The following ADAM12 variants were observed in gnomAD, a reference collection of about 807,000 sequenced individuals.
The protein encoded by ADAM12 is ADAM metallopeptidase domain 12.
In ADAM12, 70 loss-of-function variants were observed where a neutral mutation model predicts 106.4. That is an observed-to-expected ratio of 0.66 (90% CI 0.54 to 0.80). ADAM12 has a LOEUF of 0.80. ADAM12 is among the 30% of genes least tolerant of loss of function. The probability of loss-of-function intolerance (pLI) is 0.00; values close to 1 mark genes in which losing one functional copy is unlikely to be tolerated. For missense variants in ADAM12, 1,010 were observed against 1,171.9 expected (o/e 0.86, Z 2.02); for synonymous variants, 420 against 433.5 (o/e 0.97, Z 0.39).
At chr10:126,197,696 G>T (rs751624678) in intron 3 of ADAM12, among the ~76,000 whole-genome samples, 5 of 152,210 alleles carry the variant, frequency 3.3e-5, no homozygotes, top group Non-Finnish European at 5.9e-5. Flanking sequence ...AGCCTGCCTG[G>T]CTGCATTTGG....
chr10:126,244,950 CAT>C (rs1958600321), intron 3 of ADAM12, among the ~76,000 whole-genome samples: 1 of 152,184 alleles, frequency 6.6e-6, no homozygotes, highest in South Asian at 2.1e-4. Flanking sequence ...GAAGCCAAGA[CAT>C]AGAGATGTCA....
chr10:126,258,372 A>G (rs1030460932), intron 3 of ADAM12, among the ~76,000 whole-genome samples: 3 of 151,760 alleles, frequency 2.0e-5, no homozygotes, highest in South Asian at 2.1e-4. Flanking sequence ...CACCTCACTC[A>G]TCCCCACTGC....
At chr10:126,175,000 T>C (rs10901551) in intron 3 of ADAM12, among the ~76,000 whole-genome samples, 69,614 of 151,520 alleles carry the variant, frequency 0.46, 16,481 homozygotes, top group African/African-American at 0.58. Context: ...TCGTGATCCG[T>C]CCACCTCGGC....
At chr10:126,096,137 G>A (rs895239822) in intron 10 of ADAM12, among the ~76,000 whole-genome samples, 4 of 152,124 alleles carry the variant, frequency 2.6e-5, no homozygotes, top group Non-Finnish European at 4.4e-5. Flanking sequence ...TCAGGAAATC[G>A]GTTCTCGAAA....
At position 126,038,948 on chromosome 10, in the gene ADAM12, A is replaced by G. The variant is rs1238461485; in HGVS notation, c.2240+346T>C. Among the ~76,000 whole-genome samples the G allele has an allele frequency of 4.0e-5, 4 of 100,580 alleles. No homozygotes were observed. In the Admixed American group the frequency reaches 4.0e-4, roughly 10 times the overall value. The allele number at this position is 100,580 out of a possible 152,430, so 66.0% of individuals were successfully genotyped here. The stretch of plus-strand genomic sequence containing the variant: ...TTTGCTGTACATTTTCTGAGACACC[A>G]TTTCTTTTTTTTTTTTTTTTTTTTT... On this transcript the variant is annotated intron_variant, in intron 19 of 22. Coordinates refer to ENST00000448723, the MANE Select transcript of ADAM12 (RefSeq NM_001288973.2).
intron 2 of ADAM12, among the ~76,000 whole-genome samples, chr10:126,279,860 A>C (rs1215946379): frequency 6.6e-6 from 1 of 152,226 alleles, no homozygotes; most frequent in Non-Finnish European, 1.5e-5. Flanking sequence ...GTGGAGACTC[A>C]GTCTTGCTGA....
chr10:126,214,941 C>T (rs1201554898), intron 3 of ADAM12, among the ~76,000 whole-genome samples: 2 of 152,214 alleles, frequency 1.3e-5, no homozygotes, highest in African/African-American at 4.8e-5. Flanking sequence ...ACCTTGGTGA[C>T]TCTCATCCAC....
At chr10:126,178,226 C>T (rs532060594) in intron 3 of ADAM12, among the ~76,000 whole-genome samples, 4 of 151,934 alleles carry the variant, frequency 2.6e-5, no homozygotes, top group African/African-American at 7.2e-5. Flanking sequence ...AAAAAAAATC[C>T]CCATATTGTA....
chr10:126,366,762 A>C (rs897109396), intron 1 of ADAM12, among the ~76,000 whole-genome samples: 1 of 152,168 alleles, frequency 6.6e-6, no homozygotes, highest in Non-Finnish European at 1.5e-5. Flanking sequence ...CACTAAGCAT[A>C]GGAAAGCTGA....
intron 1 of ADAM12, among the ~76,000 whole-genome samples, chr10:126,342,291 A>AT (rs1854958628): frequency 6.6e-6 from 1 of 152,208 alleles, no homozygotes; most frequent in Non-Finnish European, 1.5e-5. Context: ...ACAACCTTTG[A>AT]TTTTCTAGCC....
At chr10:126,092,816 G>C (rs1176251507) in intron 11 of ADAM12, among the ~76,000 whole-genome samples, 3 of 152,218 alleles carry the variant, frequency 2.0e-5, no homozygotes, top group Admixed American at 6.5e-5. Context: ...CCCATGAAAG[G>C]ACAATCCCCT....
At chr10:126,140,054 C>T (rs1565089081) in intron 4 of ADAM12, among the ~76,000 whole-genome samples, 3 of 152,166 alleles carry the variant, frequency 2.0e-5, no homozygotes, top group Admixed American at 6.6e-5. Context: ...GGGCACACGG[C>T]AGGCATCAAA....
chr10:126,344,732 T>C (rs1855069408), intron 1 of ADAM12, among the ~76,000 whole-genome samples: 1 of 152,176 alleles, frequency 6.6e-6, no homozygotes, highest in Admixed American at 6.5e-5. Context: ...TTGAAGAGGT[T>C]CTTCACATCC....
chr10:126,217,791 T>C (rs1449203608), intron 3 of ADAM12, among the ~76,000 whole-genome samples: 2 of 151,472 alleles, frequency 1.3e-5, no homozygotes, highest in Non-Finnish European at 2.9e-5. Context: ...GGCCAACATA[T>C]AGCGAAACCT....
chr10:126,174,671 A>G (rs1957184722), intron 3 of ADAM12, among the ~76,000 whole-genome samples: 1 of 151,000 alleles, frequency 6.6e-6, no homozygotes. Flanking sequence ...TATACTCACT[A>G]CCCTTAGTCT....
intron 5 of ADAM12, among the ~76,000 whole-genome samples, chr10:126,128,795 G>A (rs866517169): frequency 1.9e-4 from 27 of 139,810 alleles, no homozygotes; most frequent in African/African-American, 3.5e-4. Context: ...TGCGCGTGTC[G>A]GAATGTGTGC....
At chr10:126,225,069 C>T (rs1958166738) in intron 3 of ADAM12, among the ~76,000 whole-genome samples, 1 of 152,240 alleles carries the variant, frequency 6.6e-6, no homozygotes, top group African/African-American at 2.4e-5. Context: ...GGGCGGGATC[C>T]TCTGAGCCCA....
chr10:126,218,919 A>T (rs1212602701), intron 3 of ADAM12, among the ~76,000 whole-genome samples: 1 of 152,212 alleles, frequency 6.6e-6, no homozygotes, highest in Non-Finnish European at 1.5e-5. Flanking sequence ...CCTCCCATCA[A>T]CTGCACAGCT....
intron 1 of ADAM12, among the ~76,000 whole-genome samples, chr10:126,358,896 C>T (rs1048248330): frequency 6.6e-6 from 1 of 152,120 alleles, no homozygotes; most frequent in African/African-American, 2.4e-5. Context: ...CTGTATTAGT[C>T]CATTTTCATG....
Sources: gnomAD v4.1 joint callset for allele counts (sites outside exome capture counted in the v4.1 genomes callset) on GRCh38, gnomAD v4.1.1 for gene constraint, MANE v1.5 for transcripts, NCBI Gene and HGNC (gene_info 2026-07-23, HGNC 2026-07-21) for gene names.